Variants in CFAP57 observed in about 807,000 individuals in gnomAD.
CFAP57 encodes cilia and flagella associated protein 57.
CFAP57 carries 116 observed loss-of-function variants against 146.8 expected under a neutral mutation model. That is an observed-to-expected ratio of 0.79 (90% CI 0.68 to 0.92). The LOEUF (loss-of-function observed/expected upper bound fraction) is 0.92. Ranked by LOEUF, CFAP57 falls within the 40% of genes least tolerant of loss-of-function variation. The pLI is 0.00. For synonymous variants in CFAP57, 518 were observed against 552.8 expected, an observed-to-expected ratio of 0.94 and a Z score of 0.88; for missense variants, 1,377 against 1,527.2, an observed-to-expected ratio of 0.90 and a Z score of 1.64.
At chr1:43,205,473 G>A (rs620455) in intron 9 of CFAP57, among the ~76,000 whole-genome samples, 38,323 of 152,154 alleles carry the variant, frequency 0.25, 6,662 homozygotes, top group African/African-American at 0.48. Flanking sequence ...AGGTGTGTGC[G>A]TGTGTGTGCA....
chr1:43,238,631 C>T lies in CFAP57; in HGVS notation c.3405+3993C>T, dbSNP rs1411416162. On this transcript the variant is annotated intron_variant, in intron 21 of 22. Coordinates refer to ENST00000372492, the MANE Select transcript of CFAP57 (RefSeq NM_001378189.1). The surrounding 1 kb of genome is among the most constrained non-coding windows in gnomAD (Gnocchi z 4.3). ...GCCATCCAAAGCAAAAACGGTCGAC[C>T]TCAATGTGACCTCGGGACCCCTCGG... 6.6e-6 allele frequency among the ~76,000 whole-genome samples: 1 copy of T among 152,110 alleles called. No homozygotes were observed. The highest frequency in any genetic ancestry group is 1.5e-5 in the Non-Finnish European group (1 of 68,022).
At position 43,238,782 on chromosome 1, in the gene CFAP57, A is replaced by G. The variant is rs1167596298; in HGVS notation, c.3405+4144A>G. 6.6e-6 allele frequency among the ~76,000 whole-genome samples: 1 copy of G among 152,064 alleles called. No individual in the cohort carries two copies. Among genetic ancestry groups the G allele is most frequent in the South Asian group, 2.1e-4 (1 of 4,820 alleles). ...ACATAAATGTGAGGGGGGACAGCAG[A>G]GCCTGGAAAGCAGTAGTCACGGAGG... is the stretch of plus-strand genomic sequence containing the variant. On this transcript the variant is annotated intron_variant, in intron 21 of 22. Coordinates refer to ENST00000372492, the MANE Select transcript of CFAP57 (RefSeq NM_001378189.1). The surrounding 1 kb of genome is among the most constrained non-coding windows in gnomAD (Gnocchi z 4.3).
chr1:43,223,175 C>T (rs1444321102), intron 16 of CFAP57, among the ~76,000 whole-genome samples, 178 bp downstream of exon 16: 1 of 152,226 alleles, frequency 6.6e-6, no homozygotes, highest in Non-Finnish European at 1.5e-5. Flanking sequence ...ACCCTCCCCA[C>T]CTCGTCCTTG....
intron 18 of CFAP57, among the ~76,000 whole-genome samples, chr1:43,228,609 A>G (rs945831652): frequency 2.0e-5 from 3 of 148,908 alleles, no homozygotes; most frequent in Non-Finnish European, 3.0e-5. Context: ...CCTTGTGACA[A>G]TGACTTTTTC....
intron 9 of CFAP57, among the ~76,000 whole-genome samples, chr1:43,203,758 C>T (rs961735298): frequency 2.0e-5 from 3 of 152,186 alleles, no homozygotes; most frequent in Non-Finnish European, 4.4e-5. Context: ...CGTGGCCGGC[C>T]AGCTTTCAAG....
chr1:43,184,486 A>C (rs1645558489), intron 4 of CFAP57, among the ~76,000 whole-genome samples: 1 of 152,134 alleles, frequency 6.6e-6, no homozygotes, highest in Non-Finnish European at 1.5e-5. Context: ...AAATATTCCC[A>C]ATTTGATTCT....
chr1:43,217,771 C>T (rs1008940337), intron 12 of CFAP57, among the ~76,000 whole-genome samples: 4 of 152,128 alleles, frequency 2.6e-5, no homozygotes, highest in African/African-American at 7.2e-5. Flanking sequence ...TAATCTAGTC[C>T]GTGCTGCGTA....
At chr1:43,219,319 G>T in intron 12 of CFAP57, 63 bp from the exon 13 acceptor site, 1 of 1,496,890 alleles carries the variant, frequency 6.7e-7, no homozygotes, top group South Asian at 1.3e-5. Context: ...AAGGCCGCAG[G>T]TTTAAATATT....
intron 19 of CFAP57, 128 bp downstream of exon 19, chr1:43,232,752 C>G (rs1645524450): frequency 3.3e-6 from 2 of 608,980 alleles, no homozygotes; most frequent in African/African-American, 3.7e-5. Context: ...AACTCACATT[C>G]TTTACTTGCT....
rs546435788 is a variant in CFAP57, at chr1:43,223,626, C to G, written c.2707-420C>G. Among the ~76,000 whole-genome samples the G allele has an allele frequency of 1.1e-4, 17 of 152,342 alleles. No homozygotes were observed. The South Asian group carries it at 3.5e-3, about 32-fold the overall frequency. ...AAAGCACACTAGTAAATCCAGGGAA[C>G]AATCAGTCTTCCCTTCTTGGTCATG... On this transcript the variant is annotated intron_variant, in intron 16 of 22. Transcript: ENST00000372492.
At chr1:43,173,379 T>C (rs945776951) in intron 2 of CFAP57, among the ~76,000 whole-genome samples, 3 of 152,244 alleles carry the variant, frequency 2.0e-5, no homozygotes. Context: ...CTGTTAATGA[T>C]ATTCATTATT....
chr1:43,228,757 T>C (rs1458821909), intron 18 of CFAP57, among the ~76,000 whole-genome samples: 1 of 148,894 alleles, frequency 6.7e-6, no homozygotes, highest in South Asian at 2.2e-4. Flanking sequence ...CAAAATACTT[T>C]AGAAGGGATA....
At chr1:43,236,000 C>T (rs1411320023) in intron 21 of CFAP57, among the ~76,000 whole-genome samples, 5 of 152,104 alleles carry the variant, frequency 3.3e-5, no homozygotes, top group African/African-American at 7.2e-5. Flanking sequence ...GCTGCTGGGG[C>T]GGGCATCCTG....
chr1:43,177,431 T>C (rs1225829269), intron 2 of CFAP57, among the ~76,000 whole-genome samples: 1 of 152,046 alleles, frequency 6.6e-6, no homozygotes, highest in African/African-American at 2.4e-5. Context: ...CCTGTTAAGA[T>C]TGATGTGCCT....
chr1:43,238,787 G>T lies in CFAP57; in HGVS notation c.3405+4149G>T, dbSNP rs949549106. ...AATGTGAGGGGGGACAGCAGAGCCT[G>T]GAAAGCAGTAGTCACGGAGGAGCAG... On this transcript the variant is annotated intron_variant, in intron 21 of 22. Transcript: ENST00000372492. The surrounding 1 kb of genome is among the most constrained non-coding windows in gnomAD (Gnocchi z 4.3). Among the ~76,000 whole-genome samples the T allele has an allele frequency of 2.6e-5, 4 of 152,110 alleles. No individual in the cohort carries two copies. The highest frequency in any genetic ancestry group is 6.5e-5 in the Admixed American group (1 of 15,276).
intron 2 of CFAP57, among the ~76,000 whole-genome samples, chr1:43,174,759 T>G (rs987390901): frequency 9.8e-5 from 15 of 152,306 alleles, no homozygotes; most frequent in Middle Eastern, 3.4e-3. Flanking sequence ...GAGGTTGTGG[T>G]GAGCCAAGAT....
chr1:43,206,224 G>A (rs1299801233), intron 9 of CFAP57: 6 of 157,500 alleles, frequency 3.8e-5, no homozygotes, highest in African/African-American at 1.4e-4. Flanking sequence ...GCCTCCCAAA[G>A]TGTTGGGACT....
At chr1:43,243,607 T>C (rs1216584112) in intron 22 of CFAP57, among the ~76,000 whole-genome samples, 1 of 152,198 alleles carries the variant, frequency 6.6e-6, no homozygotes, top group Non-Finnish European at 1.5e-5. Flanking sequence ...ATGCAGACTC[T>C]TTTAGATTTT....
chr1:43,194,873 G>A (rs1643761094), intron 6 of CFAP57: 1 of 151,872 alleles, frequency 6.6e-6, no homozygotes, highest in African/African-American at 2.4e-5. Context: ...TTTAATCATG[G>A]TTTCCTTTAG....
Sources: gnomAD v4.1 joint callset for allele counts (sites outside exome capture counted in the v4.1 genomes callset) on GRCh38, gnomAD v4.1.1 for gene constraint, Gnocchi (gnomAD v3.1) non-coding constraint, MANE v1.5 for transcripts, NCBI Gene and HGNC (gene_info 2026-07-23, HGNC 2026-07-21) for gene names.